GAS7: variants seen among roughly 807,000 people sequenced by gnomAD.
The protein encoded by GAS7 is growth arrest specific 7.
In GAS7, 28 loss-of-function variants were observed where a neutral mutation model predicts 71.1. The observed-to-expected ratio is 0.39, with a 90% confidence interval of 0.29 to 0.54. GAS7 has a LOEUF of 0.54. GAS7 is among the 20% of genes least tolerant of loss of function. The probability of loss-of-function intolerance (pLI) is 0.62; values close to 1 mark genes in which losing one functional copy is unlikely to be tolerated. For missense variants in GAS7, 436 were observed against 627.8 expected (o/e 0.69, Z 3.27); for synonymous variants, 258 against 245.8 (o/e 1.05, Z -0.46).
intron 1 of GAS7, among the ~76,000 whole-genome samples, chr17:10,120,430 G>C (rs1483776644): frequency 6.6e-6 from 1 of 152,178 alleles, no homozygotes; most frequent in Non-Finnish European, 1.5e-5. Flanking sequence ...TCAATCCTAA[G>C]AGTACGAGTA....
At chr17:10,150,918 A>C (rs1436033830) in intron 1 of GAS7, among the ~76,000 whole-genome samples, 1 of 152,190 alleles carries the variant, frequency 6.6e-6, no homozygotes, top group Non-Finnish European at 1.5e-5. Context: ...CAATCCAGGC[A>C]TCATCATGGT....
intron 1 of GAS7, among the ~76,000 whole-genome samples, chr17:10,170,781 A>C (rs2074330281): frequency 2.0e-5 from 3 of 152,178 alleles, no homozygotes. Flanking sequence ...GTATCTTGTT[A>C]ATCTGCTGAA....
intron 1 of GAS7, among the ~76,000 whole-genome samples, chr17:10,119,073 G>A (rs1447242804): frequency 6.6e-6 from 1 of 152,196 alleles, no homozygotes; most frequent in Non-Finnish European, 1.5e-5. Context: ...AATGAAAAAA[G>A]CAGAAGGGAA....
chr17:10,051,488 G>C (rs559099588), intron 1 of GAS7, among the ~76,000 whole-genome samples: 76 of 152,312 alleles, frequency 5.0e-4, no homozygotes, highest in African/African-American at 1.7e-3. Context: ...ATTTGGAAAA[G>C]ACGTGGTTTC....
chr17:10,115,639 T>C (rs1358632023), intron 1 of GAS7, among the ~76,000 whole-genome samples: 2 of 141,200 alleles, frequency 1.4e-5, no homozygotes, highest in Non-Finnish European at 3.1e-5. Context: ...ACACAACTCT[T>C]GCCCATACTT....
At chr17:9,993,621 A>C (rs1388990160) in intron 2 of GAS7, among the ~76,000 whole-genome samples, 1 of 151,762 alleles carries the variant, frequency 6.6e-6, no homozygotes, top group African/African-American at 2.4e-5. Flanking sequence ...AACTGGCACA[A>C]GACAGGGATG....
intron 1 of GAS7, among the ~76,000 whole-genome samples, chr17:10,058,565 G>A (rs1461459863): frequency 2.6e-5 from 4 of 152,284 alleles, no homozygotes; most frequent in East Asian, 3.9e-4. Flanking sequence ...CAGAGGAGCC[G>A]TCTGAAGAAC....
chr17:9,941,245 C>G (rs140337811), intron 7 of GAS7, among the ~76,000 whole-genome samples: 452 of 152,306 alleles, frequency 3.0e-3, no homozygotes, highest in Non-Finnish European at 4.8e-3. Context: ...AGTCTCATTC[C>G]AACTGATCTG....
chr17:10,033,634 G>A (rs529021186), intron 1 of GAS7, among the ~76,000 whole-genome samples: 1 of 152,272 alleles, frequency 6.6e-6, no homozygotes, highest in East Asian at 1.9e-4. Flanking sequence ...GCACCGGGGG[G>A]CAAAAGCTGG....
At chr17:10,018,980 A>G (rs1334305051) in intron 2 of GAS7, among the ~76,000 whole-genome samples, 1 of 152,170 alleles carries the variant, frequency 6.6e-6, no homozygotes, top group Non-Finnish European at 1.5e-5. Flanking sequence ...AGGTCAAGAC[A>G]CAGCTCTGTT....
chr17:9,990,847 G>A (rs749189665), intron 2 of GAS7, among the ~76,000 whole-genome samples: 5 of 152,210 alleles, frequency 3.3e-5, no homozygotes, highest in Non-Finnish European at 5.9e-5. Context: ...CTGGGTGATT[G>A]TGGTATACTC....
At chr17:10,077,201 T>C (rs978794003) in intron 1 of GAS7, among the ~76,000 whole-genome samples, 1 of 152,164 alleles carries the variant, frequency 6.6e-6, no homozygotes, top group African/African-American at 2.4e-5. Context: ...AGGTTGGAGG[T>C]GATCTCTGGT....
In GAS7 at chr17:9,919,737, C is replaced by T; in HGVS notation, c.1139-32G>A. On this transcript the variant is annotated intron_variant, in intron 11 of 13. Coordinates refer to ENST00000432992, the MANE Select transcript of GAS7 (RefSeq NM_201433.2). This position sits in a 1 kb window ranked among gnomAD's most constrained non-coding sequence, Gnocchi z 5.0. The stretch of plus-strand genomic sequence containing the variant: ...AAAGACCACAGTCACCATCATGAAG[C>T]ATCCTATCCTCACCATGACTCTGTG... 1 of 1,484,760 alleles carries T rather than the reference C, an allele frequency of 6.7e-7. No individual in the cohort carries two copies. Among genetic ancestry groups the T allele is most frequent in the Non-Finnish European group, 9.4e-7 (1 of 1,062,402 alleles). 92.0% of individuals were successfully genotyped at this position (1,484,760 alleles called of 1,614,324 possible). A position where few individuals can be genotyped will look rare whatever the true frequency, so the allele number is the denominator to read the frequency against.
intron 1 of GAS7, among the ~76,000 whole-genome samples, chr17:10,194,516 G>A (rs184554993): frequency 6.6e-6 from 1 of 152,168 alleles, no homozygotes; most frequent in South Asian, 2.1e-4. Context: ...CTATTTCTCA[G>A]CCTTGATGTA....
At chr17:10,110,536 G>C (rs1180205050) in intron 1 of GAS7, among the ~76,000 whole-genome samples, 1 of 152,124 alleles carries the variant, frequency 6.6e-6, no homozygotes, top group African/African-American at 2.4e-5. Context: ...CGCAATCTTG[G>C]CTCACGGCAA....
At chr17:10,123,274 A>T (rs1042656091) in intron 1 of GAS7, among the ~76,000 whole-genome samples, 11 of 152,200 alleles carry the variant, frequency 7.2e-5, no homozygotes, top group Admixed American at 7.2e-4. Flanking sequence ...GCTGGGCTCC[A>T]CTGCCGGGTT....
At chr17:10,129,281 C>T (rs2073977806) in intron 1 of GAS7, among the ~76,000 whole-genome samples, 1 of 152,200 alleles carries the variant, frequency 6.6e-6, no homozygotes, top group South Asian at 2.1e-4. Context: ...TGCCTGTAAT[C>T]CCAGCAACGA....
Position 9,919,739 on chromosome 17 carries a change from T to A in GAS7, c.1139-34A>T, listed in dbSNP as rs745566894. ...AGACCACAGTCACCATCATGAAGCA[T>A]CCTATCCTCACCATGACTCTGTGCC... On this transcript the variant is annotated intron_variant, in intron 11 of 13. Transcript: ENST00000432992. The surrounding 1 kb of genome is among the most constrained non-coding windows in gnomAD (Gnocchi z 5.0). The A allele has an allele frequency of 6.8e-7, 1 of 1,477,874 alleles. No individual in the cohort carries two copies. The highest frequency in any genetic ancestry group is 9.5e-7 in the Non-Finnish European group (1 of 1,056,216). 91.5% of individuals were successfully genotyped at this position (1,477,874 alleles called of 1,614,324 possible). A position where few individuals can be genotyped will look rare whatever the true frequency, so the allele number is the denominator to read the frequency against.
At chr17:10,107,084 TG>T (rs1429736627) in intron 1 of GAS7, among the ~76,000 whole-genome samples, 1 of 152,218 alleles carries the variant, frequency 6.6e-6, no homozygotes, top group African/African-American at 2.4e-5. Context: ...AGATTCTCCT[TG>T]GAGCTTCCAG....
Sources: allele counts gnomAD v4.1 joint callset (sites outside exome capture counted in the v4.1 genomes callset), GRCh38; gene constraint gnomAD v4.1.1; non-coding constraint Gnocchi (gnomAD v3.1); transcripts MANE v1.5; gene names NCBI Gene and HGNC (gene_info 2026-07-23, HGNC 2026-07-21).